Variants in DNAH17 observed in about 807,000 individuals in gnomAD.
DNAH17 encodes axonemal beta dynein heavy chain 17.
A neutral mutation model predicts 485.6 loss-of-function variants in DNAH17; 376 were observed. The observed-to-expected ratio is 0.77, with a 90% CI of 0.71 to 0.84. The LOEUF is 0.84. DNAH17 is among the 40% of genes least tolerant of loss of function. The pLI is 0.00. For synonymous variants in DNAH17, 3,031 were observed against 2,405.9 expected, an observed-to-expected ratio of 1.26 and a Z score of -7.60; for missense variants, 6,370 against 5,839.3, an observed-to-expected ratio of 1.09 and a Z score of -2.96.
intron 74 of DNAH17, among the ~76,000 whole-genome samples, chr17:78,434,501 C>A (rs1174280735): frequency 3.3e-5 from 5 of 152,174 alleles, no homozygotes; most frequent in African/African-American, 4.8e-5. Flanking sequence ...TTCCTAATAT[C>A]TTCCCAAATC....
Position 78,565,808 on chromosome 17 carries a change from G to A in DNAH17, c.1569+806C>T, listed in dbSNP as rs1296773690. Among the ~76,000 whole-genome samples, 3 of 152,130 alleles carry A rather than the reference G, an allele frequency of 2.0e-5. No homozygotes were observed. In the South Asian group the frequency reaches 6.2e-4, roughly 32 times the overall value. Reference sequence around the variant, plus strand: ...CTAGCAAAAATAGAAAAATTAGCCAGGTGTGGTGGCGTATGCCTATAATTC... The same window carrying A: ...CTAGCAAAAATAGAAAAATTAGCCAAGTGTGGTGGCGTATGCCTATAATTC... On this transcript the variant is annotated intron_variant, in intron 11 of 80. Transcript: ENST00000389840.
In DNAH17 at chr17:78,444,469, C is replaced by G. The variant is rs563157097; in HGVS notation, c.11528+135G>C. The G allele has an allele frequency of 3.0e-4, 243 of 813,074 alleles. No homozygotes were observed. In the African/African-American group the frequency reaches 3.7e-3, roughly 12 times the overall value. 50.4% of individuals were successfully genotyped at this position (813,074 alleles called of 1,614,324 possible). Reference sequence around the variant, plus strand: ...TACCCCTCTAAGCCCTGTTTCGTTTCTGTGTAAAATGGGGAGAAGAAAAAA... The same window carrying G: ...TACCCCTCTAAGCCCTGTTTCGTTTGTGTGTAAAATGGGGAGAAGAAAAAA... On this transcript the variant is annotated intron_variant, in intron 71 of 80. Transcript: ENST00000389840.
At position 78,572,702 on chromosome 17, in the gene DNAH17, T is replaced by C. The variant is rs1217605108; in HGVS notation, c.538A>G (p.Arg180Gly). 36 of 1,601,982 alleles carry C rather than the reference T, an allele frequency of 2.2e-5. No individual in the cohort carries two copies. Among genetic ancestry groups the C allele is most frequent in the Non-Finnish European group, 2.9e-5 (34 of 1,174,788 alleles). ...CCGGAAGCAGCTGGGCCCACACACCTCTCCATGGACTCCAGCGTGCCATCC... is the reference window on the plus strand; with the variant it reads ...CCGGAAGCAGCTGGGCCCACACACCCCTCCATGGACTCCAGCGTGCCATCC... ...SLDGTLESMERIPSSLDNLLL... is the reference protein window; with the variant it reads ...SLDGTLESMEGIPSSLDNLLL... The change falls in exon 3 of 81, where the codon AGG becomes GGG. Residue 180 changes from arginine (R) to glycine (G), a missense_variant and splice_region_variant. Coordinates refer to ENST00000389840, the MANE Select transcript of DNAH17 (RefSeq NM_173628.4).
rs151281798 is a variant in DNAH17 at position 78,434,133 on chromosome 17, G to A, written c.12121C>T (p.Arg4041Cys). ...CYFHAVVAER[R>C]KFGAQGWNRS... ...TTCCAGCCCTGGGCGCCGAACTTGCGCCTCTCTGCCACCACAGCGTGGAAG... is the reference window on the plus strand; with the variant it reads ...TTCCAGCCCTGGGCGCCGAACTTGCACCTCTCTGCCACCACAGCGTGGAAG... The change falls in exon 75 of 81, where the codon CGC (arginine) becomes TGC (cysteine). Residue 4041 changes from arginine (R) to cysteine (C), a missense_variant. Arg to Cys is a radical substitution (Grantham distance 180). Transcript: ENST00000389840. 8.2e-5 allele frequency: 133 copies of A among 1,613,542 alleles called. No homozygotes were observed. Among genetic ancestry groups the A allele is most frequent in the Admixed American group, 1.8e-4 (11 of 59,984 alleles).
rs983571161 is a variant in DNAH17, at chr17:78,461,640, G to C, written c.9243C>G (p.Asp3081Glu). 1 of 1,611,764 alleles carries C rather than the reference G, an allele frequency of 6.2e-7. No homozygotes were observed. Among genetic ancestry groups the C allele is most frequent in the African/African-American group, 1.3e-5 (1 of 74,832 alleles). Reference protein sequence around the residue: ...AELKQKNESADQLIQVVGIEA... With the variant: ...AELKQKNESAEQLIQVVGIEA... ...CGATGCCGACCACCTGGATCAGTTG[G>C]TCTGCGCTCTCATTCTTCTGCTTGA... is the stretch of plus-strand genomic sequence containing the variant. The change falls in exon 58 of 81, where the codon GAC becomes GAG. Residue 3081 changes from aspartate to glutamate, a missense_variant. Coordinates refer to ENST00000389840, the MANE Select transcript of DNAH17 (RefSeq NM_173628.4).
chr17:78,460,409 T>TGTGCATGTATGTGTATGTGC (rs1461304385), intron 58 of DNAH17, among the ~76,000 whole-genome samples, 152 bp from the exon 59 acceptor site: 1 of 151,528 alleles, frequency 6.6e-6, no homozygotes, highest in Non-Finnish European at 1.5e-5. Flanking sequence ...AGTGTATGTG[T>TGTGCATGTATGTGTATGTGC]GTGCATGTAT....
At chr17:78,495,845 C>T (rs1236533540) in intron 38 of DNAH17, 30 bp downstream of exon 38, 1 of 1,601,138 alleles carries the variant, frequency 6.2e-7, no homozygotes, top group Non-Finnish European at 8.5e-7. Flanking sequence ...TGGCTCACTG[C>T]AGCCACTCAC....
chr17:78,434,397 G>A (rs1443963182), intron 74 of DNAH17, among the ~76,000 whole-genome samples, 177 bp from the exon 75 acceptor site: 1 of 152,168 alleles, frequency 6.6e-6, no homozygotes, highest in Non-Finnish European at 1.5e-5. Flanking sequence ...GGAAAGCTGG[G>A]CTGTCATGGC....
At chr17:78,494,006 C>T in intron 41 of DNAH17, 30 bp downstream of exon 41, 2 of 1,599,696 alleles carry the variant, frequency 1.3e-6, no homozygotes, top group Middle Eastern at 1.7e-4. Flanking sequence ...ATGCCGGATC[C>T]CTGCAAGGTC....
At chr17:78,438,452 G>GGAGGGA (rs1555651774) in intron 73 of DNAH17, among the ~76,000 whole-genome samples, 2 of 68,278 alleles carry the variant, frequency 2.9e-5, no homozygotes, top group East Asian at 4.1e-4. Context: ...GGAGGGAGGA[G>GGAGGGA]GGAGGAGGAG....
In DNAH17 at chr17:78,486,227, G is replaced by C. The variant is rs775242712; in HGVS notation, c.7098C>G (p.Asp2366Glu). 1 of 1,587,882 alleles carries C rather than the reference G, an allele frequency of 6.3e-7. No individual in the cohort carries two copies. The highest frequency in any genetic ancestry group is 1.3e-5 in the African/African-American group (1 of 74,444). The change falls in exon 45 of 81, where the codon GAC becomes GAG. Residue 2366 changes from aspartate to glutamate, a missense_variant. Asp to Glu is a conservative substitution (Grantham distance 45). Coordinates refer to ENST00000389840, the MANE Select transcript of DNAH17 (RefSeq NM_173628.4). ...FWAFGGAMFQDQLVDYRVEFS... is the reference protein window; with the variant it reads ...FWAFGGAMFQEQLVDYRVEFS... The stretch of plus-strand genomic sequence containing the variant: ...CCGGGCCCCCCAGGTGCATCACCTG[G>C]TCCTGGAACATGGCGCCACCGAAGG...
intron 54 of DNAH17, among the ~76,000 whole-genome samples, chr17:78,473,561 A>AAAG (rs1555665266): frequency 2.0e-5 from 3 of 151,194 alleles, no homozygotes; most frequent in African/African-American, 7.3e-5. Flanking sequence ...AAAAAAAAAA[A>AAAG]AAAAGAAATG....
rs773477142 is a variant in DNAH17, at chr17:78,485,604, A to G, written c.7429T>C (p.Tyr2477His). 2 of 1,613,838 alleles carry G rather than the reference A, an allele frequency of 1.2e-6. No homozygotes were observed. The highest frequency in any genetic ancestry group is 1.7e-6 in the Non-Finnish European group (2 of 1,179,836). Residue 2477 changes from tyrosine to histidine, a missense_variant, in exon 47 of 81, where the codon TAC (tyrosine) becomes CAC (histidine). Tyr to His is a moderately conservative substitution (Grantham distance 83). Coordinates refer to ENST00000389840, the MANE Select transcript of DNAH17 (RefSeq NM_173628.4). ...DKLESLNTDN[Y>H]LVQAVPFNFY... Reference sequence around the variant, plus strand: ...TTGAAGGGCACAGCCTGCACCAGGTAGTTGTCCGTGTTCAGGCTTTCCAGC... The same window carrying G: ...TTGAAGGGCACAGCCTGCACCAGGTGGTTGTCCGTGTTCAGGCTTTCCAGC...
chr17:78,461,361 G>C (rs539717814), intron 58 of DNAH17, among the ~76,000 whole-genome samples, 183 bp downstream of exon 58: 11 of 152,282 alleles, frequency 7.2e-5, no homozygotes, highest in African/African-American at 2.6e-4. Flanking sequence ...GCCTGCTTCT[G>C]AGCGGGGGCC....
chr17:78,459,072 C>T lies in DNAH17; in HGVS notation c.9790G>A (p.Ala3264Thr), dbSNP rs769545068. The part of the protein sequence containing the change: ...VYCDVAPKRQ[A>T]LEEANAELAE... ...AGCTCTGCATTAGCCTCCTCCAGTG[C>T]CTGCCTCTTGGGCGCCACGTCGCAG... Residue 3264 changes from alanine to threonine, a missense_variant, in exon 61 of 81, where the codon GCA becomes ACA. Ala to Thr is a moderately conservative substitution (Grantham distance 58). Transcript: ENST00000389840. 6.2e-7 allele frequency: 1 copy of T among 1,614,034 alleles called. No individual in the cohort carries two copies. The highest frequency in any genetic ancestry group is 8.5e-7 in the Non-Finnish European group (1 of 1,179,902).
In DNAH17 at chr17:78,502,638, G is replaced by T; in HGVS notation, c.5143C>A (p.Leu1715Met). Residue 1715 changes from leucine to methionine, a missense_variant, in exon 33 of 81, where the codon CTG (leucine) becomes ATG (methionine). Coordinates refer to ENST00000389840, the MANE Select transcript of DNAH17 (RefSeq NM_173628.4). ...ATAGCGTTTTCATAGCCTTCCTCCA[G>T]CCTGGCAAATGCCAGGCCCACCTCG... Reference protein sequence around the residue: ...TTEVGLAFARLEEGYENAIRD... With the variant: ...TTEVGLAFARMEEGYENAIRD... The T allele has an allele frequency of 6.2e-7, 1 of 1,612,976 alleles. No homozygotes were observed.
At chr17:78,560,297 C>T (rs1295264509) in intron 13 of DNAH17, among the ~76,000 whole-genome samples, 1 of 152,150 alleles carries the variant, frequency 6.6e-6, no homozygotes, top group African/African-American at 2.4e-5. Flanking sequence ...CCCTGCCTTG[C>T]CACGTGCAGA....
intron 76 of DNAH17, 85 bp downstream of exon 76, chr17:78,429,036 T>G (rs900627740): frequency 1.9e-5 from 28 of 1,451,126 alleles, no homozygotes; most frequent in Non-Finnish European, 2.5e-5. Context: ...GCTCAATTAT[T>G]GACACTCCAT....
At chr17:78,497,364 G>T (rs1465041914) in intron 37 of DNAH17, among the ~76,000 whole-genome samples, 1 of 152,154 alleles carries the variant, frequency 6.6e-6, no homozygotes, top group Non-Finnish European at 1.5e-5. Flanking sequence ...GTGCCCTGGT[G>T]ATCCCAGACA....
Sources: allele counts gnomAD v4.1 joint callset (sites outside exome capture counted in the v4.1 genomes callset), GRCh38; gene constraint gnomAD v4.1.1; transcripts MANE v1.5; gene names NCBI Gene and HGNC (gene_info 2026-07-23, HGNC 2026-07-21).